Variants in KCNQ2 observed in about 807,000 individuals in gnomAD.
KCNQ2 encodes potassium voltage-gated channel subfamily KQT member 2.
In KCNQ2, 14 loss-of-function variants were observed where a neutral mutation model predicts 84.8. The observed-to-expected ratio is 0.17, with a 90% CI of 0.11 to 0.26. KCNQ2 has a LOEUF of 0.26. KCNQ2 is among the 10% of genes least tolerant of loss of function. The probability of loss-of-function intolerance (pLI) is 1.00; values close to 1 mark genes in which losing one functional copy is unlikely to be tolerated. For synonymous variants in KCNQ2, 599 were observed against 554.1 expected (o/e 1.08, Z -1.14); for missense variants, 788 against 1,254.0 (o/e 0.63, Z 5.61).
chr20:63,468,660 G>A (rs1454534810), intron 1 of KCNQ2, among the ~76,000 whole-genome samples: 1 of 152,228 alleles, frequency 6.6e-6, no homozygotes, highest in Non-Finnish European at 1.5e-5. Flanking sequence ...AGCAGCCCAG[G>A]GCCAGAGGCC....
rs864321711 is a variant in KCNQ2 at position 63,407,116 on chromosome 20, G to A, written c.2147C>T (p.Thr716Ile). Residue 716 changes from threonine (T) to isoleucine (I), a missense_variant, in exon 17 of 17, where the codon ACC (threonine) becomes ATC (isoleucine). Transcript: ENST00000359125. This position sits in a 1 kb window ranked among gnomAD's most constrained non-coding sequence, Gnocchi z 7.2. ...CGGGTGGCTCTGTGGCTGCCAGGAG[G>A]TGGAGGGCGGACACTGGACAGGGGG... Reference protein sequence around the residue: ...AAPPVQCPPSTSWQPQSHPRQ... With the variant: ...AAPPVQCPPSISWQPQSHPRQ... 2 of 1,548,056 alleles carry A rather than the reference G, an allele frequency of 1.3e-6. No homozygotes were observed. The highest frequency in any genetic ancestry group is 1.2e-5 in the South Asian group (1 of 85,340).
At chr20:63,432,313 G>C (rs913229024) in intron 8 of KCNQ2, among the ~76,000 whole-genome samples, 1 of 146,258 alleles carries the variant, frequency 6.8e-6, no homozygotes, top group East Asian at 2.0e-4. Context: ...CACAGAGAAG[G>C]CTCCACCCTC....
intron 12 of KCNQ2, among the ~76,000 whole-genome samples, chr20:63,416,359 CGCCGG>C (rs1159861683): frequency 2.0e-5 from 3 of 152,306 alleles, no homozygotes; most frequent in South Asian, 4.2e-4. Flanking sequence ...CTCCAGCGTC[CGCCGG>C]GCGACAGTGA....
chr20:63,443,418 C>T (rs919868223), intron 4 of KCNQ2, among the ~76,000 whole-genome samples: 6,355 of 42,582 alleles, frequency 0.15, 887 homozygotes, highest in African/African-American at 0.48. Context: ...ATCACCATCA[C>T]CACCATCATC....
chr20:63,462,135 T>C (rs2081971317), intron 1 of KCNQ2, among the ~76,000 whole-genome samples: 3 of 113,520 alleles, frequency 2.6e-5, no homozygotes, highest in South Asian at 3.2e-4. Flanking sequence ...AGGCTGCACC[T>C]ACCCCGGGGC....
chr20:63,418,707 C>T (rs566572431), intron 12 of KCNQ2, among the ~76,000 whole-genome samples: 2 of 152,328 alleles, frequency 1.3e-5, no homozygotes, highest in East Asian at 3.9e-4. Context: ...CCCACACGCC[C>T]GTCTCCCTCT....
rs1244838198 is a variant in KCNQ2, at chr20:63,407,023, G to A, written c.2240C>T (p.Ala747Val). The A allele has an allele frequency of 8.5e-6, 13 of 1,523,490 alleles. No homozygotes were observed. Among genetic ancestry groups the A allele is most frequent in the Non-Finnish European group, 1.1e-5 (13 of 1,138,474 alleles). The allele number at this position is 1,523,490 out of a possible 1,614,324, so 94.4% of individuals were successfully genotyped here. A position where few individuals can be genotyped will look rare whatever the true frequency, so the allele number is the denominator to read the frequency against. The change falls in exon 17 of 17, where the codon GCC becomes GTC. Residue 747 changes from alanine (A) to valine (V), a missense_variant. Physicochemically the swap from Ala to Val is moderately conservative, Grantham distance 64 (BLOSUM62 0). Coordinates refer to ENST00000359125, the MANE Select transcript of KCNQ2 (RefSeq NM_172107.4). The surrounding 1 kb of genome is among the most constrained non-coding windows in gnomAD (Gnocchi z 7.2). ...GSLVRIPPPP[A>V]HERSLSAYGG... ...GTAGGCGGACAGCGACCGCTCGTGG[G>A]CAGGCGGCGGCGGGATGCGCACCAG...
At chr20:63,439,368 G>A (rs1285231678) in intron 6 of KCNQ2, among the ~76,000 whole-genome samples, 6 of 152,214 alleles carry the variant, frequency 3.9e-5, no homozygotes, top group East Asian at 1.9e-4. Context: ...AGCTACAGCC[G>A]CAGCCTTGGG....
intron 4 of KCNQ2, among the ~76,000 whole-genome samples, chr20:63,443,409 T>TCGC (rs2081311194): frequency 3.1e-5 from 1 of 32,104 alleles, no homozygotes; most frequent in Admixed American, 2.7e-4. Context: ...ATCACCACCA[T>TCGC]CACCATCACC....
At chr20:63,461,483 C>T (rs1464963833) in intron 1 of KCNQ2, among the ~76,000 whole-genome samples, 1 of 152,192 alleles carries the variant, frequency 6.6e-6, no homozygotes, top group Non-Finnish European at 1.5e-5. Context: ...ATGGCCTGGG[C>T]GGATGCCAAA....
At chr20:63,467,117 C>T (rs751229540) in intron 1 of KCNQ2, among the ~76,000 whole-genome samples, 2 of 152,348 alleles carry the variant, frequency 1.3e-5, no homozygotes, top group East Asian at 1.9e-4. Flanking sequence ...ACGGCCTGGC[C>T]GCTGGCCCCA....
At chr20:63,456,299 C>A (rs533234170) in intron 1 of KCNQ2, among the ~76,000 whole-genome samples, 1 of 152,204 alleles carries the variant, frequency 6.6e-6, no homozygotes, top group African/African-American at 2.4e-5. Flanking sequence ...CCGCTCCTCA[C>A]TCGCTTCATG....
chr20:63,453,565 C>T (rs1376414166), intron 1 of KCNQ2: 1 of 152,282 alleles, frequency 6.6e-6, no homozygotes, highest in East Asian at 1.9e-4. Flanking sequence ...TCCCTGGCTT[C>T]CCAGTCAGGA....
chr20:63,411,802 G>A (rs946785964), intron 15 of KCNQ2: 5 of 663,992 alleles, frequency 7.5e-6, no homozygotes, highest in African/African-American at 1.8e-5. Flanking sequence ...TGACTCTCTC[G>A]GAGGGGCCGT....
intron 4 of KCNQ2, among the ~76,000 whole-genome samples, chr20:63,444,249 G>A (rs945499665): frequency 2.0e-5 from 3 of 152,216 alleles, no homozygotes; most frequent in Non-Finnish European, 4.4e-5. Flanking sequence ...TGGGTCCCCC[G>A]GACAGCGGCC....
chr20:63,438,496 C>G lies in KCNQ2; in HGVS notation c.1023+129G>C, dbSNP rs1287971113. ...CACATCCTCGCTCCTTCCACAGATT[C>G]CTGCAGAGGGTGAGCGCTGTGGCCC... On this transcript the variant is annotated intron_variant, in intron 7 of 16. Coordinates refer to ENST00000359125, the MANE Select transcript of KCNQ2 (RefSeq NM_172107.4). The surrounding 1 kb of genome is among the most constrained non-coding windows in gnomAD (Gnocchi z 5.1). 3 of 792,262 alleles carry G rather than the reference C, an allele frequency of 3.8e-6. No homozygotes were observed. Among genetic ancestry groups the G allele is most frequent in the East Asian group, 2.5e-5 (1 of 40,176 alleles). The allele number at this position is 792,262 out of a possible 1,614,324, so 49.1% of individuals were successfully genotyped here.
intron 4 of KCNQ2, among the ~76,000 whole-genome samples, chr20:63,442,866 CCATCACCATTAT>C (rs2081240299): frequency 3.7e-5 from 2 of 53,432 alleles, no homozygotes; most frequent in African/African-American, 7.7e-5. Context: ...ACCACCATCA[CCATCACCATTAT>C]CACCACCACC....
At chr20:63,443,382 TCACCAC>T (rs575444226) in intron 4 of KCNQ2, among the ~76,000 whole-genome samples, 1 of 9,352 alleles carries the variant, frequency 1.1e-4, no homozygotes, top group Non-Finnish European at 2.8e-4. Context: ...ACCACCATCA[TCACCAC>T]CACCATCACC....
intron 7 of KCNQ2, among the ~76,000 whole-genome samples, chr20:63,436,647 G>A (rs1037062797): frequency 4.6e-5 from 7 of 152,184 alleles, no homozygotes; most frequent in Non-Finnish European, 1.0e-4. Flanking sequence ...CTCGCAGAAG[G>A]CTCAGGTGAT....
Sources: allele counts gnomAD v4.1 joint callset (sites outside exome capture counted in the v4.1 genomes callset), GRCh38; gene constraint gnomAD v4.1.1; non-coding constraint Gnocchi (gnomAD v3.1); transcripts MANE v1.5; gene names NCBI Gene and HGNC (gene_info 2026-07-23, HGNC 2026-07-21).